DHX15: variants seen among roughly 807,000 people sequenced by gnomAD.
DHX15 encodes DEAH-box helicase 15, also known as ATP-dependent RNA helicase DHX15.
DHX15 carries 11 observed loss-of-function variants against 94.4 expected under a neutral mutation model. That is an observed-to-expected ratio of 0.12 (90% CI 0.07 to 0.19). The LOEUF (loss-of-function observed/expected upper bound fraction) is 0.19. Ranked by LOEUF, DHX15 falls within the 10% of genes least tolerant of loss-of-function variation. The pLI, the probability that DHX15 is intolerant of heterozygous loss-of-function variation, is 1.00. For missense variants in DHX15, 304 were observed against 988.5 expected, an observed-to-expected ratio of 0.31 and a Z score of 9.29; for synonymous variants, 338 against 329.9, an observed-to-expected ratio of 1.02 and a Z score of -0.27.
At chr4:24,545,437 G>C (rs1721402589) in intron 6 of DHX15, among the ~76,000 whole-genome samples, 1 of 151,866 alleles carries the variant, frequency 6.6e-6, no homozygotes, top group Admixed American at 6.6e-5. Flanking sequence ...ACATGATTCT[G>C]CAAGTGTTTA....
intron 2 of DHX15, among the ~76,000 whole-genome samples, chr4:24,572,913 T>C (rs7671766): frequency 0.035 from 5,390 of 152,126 alleles, 280 homozygotes; most frequent in African/African-American, 0.11. Flanking sequence ...ATCCGGCTTT[T>C]TTGTTTTTTT....
At chr4:24,565,898 G>A (rs1721981567) in intron 3 of DHX15, among the ~76,000 whole-genome samples, 1 of 152,040 alleles carries the variant, frequency 6.6e-6, no homozygotes, top group African/African-American at 2.4e-5. Context: ...TCCATCTTTT[G>A]AAAAAGAAAC....
rs766061995 is a variant in DHX15, at chr4:24,529,594, T to C, written c.2270+7A>G. The C allele has an allele frequency of 1.6e-5, 26 of 1,613,568 alleles. No homozygotes were observed. The highest frequency in any genetic ancestry group is 2.2e-5 in the Non-Finnish European group (26 of 1,179,780). On this transcript the variant is annotated splice_region_variant and intron_variant, in intron 13 of 13. Coordinates refer to ENST00000336812, the MANE Select transcript of DHX15 (RefSeq NM_001358.3). ...CAAAAAACTGTTAGAACAAAAGGTGTACTTACCATTCTGGCTTGATATCTG... is the reference window on the plus strand; with the variant it reads ...CAAAAAACTGTTAGAACAAAAGGTGCACTTACCATTCTGGCTTGATATCTG...
chr4:24,582,765 C>T (rs1722445283), intron 1 of DHX15, among the ~76,000 whole-genome samples: 1 of 152,082 alleles, frequency 6.6e-6, no homozygotes, highest in Non-Finnish European at 1.5e-5. Context: ...ATTGGAGCCG[C>T]GTATAGTCTT....
chr4:24,547,861 GTCTCTCTCTCTCTC>G (rs36229958), intron 6 of DHX15, among the ~76,000 whole-genome samples: 2,532 of 126,432 alleles, frequency 0.02, 62 homozygotes, highest in African/African-American at 0.021. Context: ...AGACATATAT[GTCTCTCTCTCTCTC>G]TCTCTCTCTC....
At chr4:24,528,580 C>T (rs1721009846) in intron 13 of DHX15, among the ~76,000 whole-genome samples, 1 of 152,090 alleles carries the variant, frequency 6.6e-6, no homozygotes, top group Non-Finnish European at 1.5e-5. Context: ...TCAAAAGTCC[C>T]AAATCCGTAT....
At chr4:24,546,764 G>T (rs1721434827) in intron 6 of DHX15, among the ~76,000 whole-genome samples, 1 of 151,924 alleles carries the variant, frequency 6.6e-6, no homozygotes, top group Admixed American at 6.6e-5. Flanking sequence ...CTTATAAAAG[G>T]GACTCAAATA....
At chr4:24,551,720 A>T (rs1490918989) in intron 5 of DHX15, among the ~76,000 whole-genome samples, 3 of 152,212 alleles carry the variant, frequency 2.0e-5, no homozygotes, top group Non-Finnish European at 4.4e-5. Context: ...CAACTTAAAA[A>T]ACATTTGAAC....
intron 6 of DHX15, among the ~76,000 whole-genome samples, chr4:24,545,771 G>C (rs1721409253): frequency 1.3e-5 from 2 of 152,174 alleles, no homozygotes; most frequent in Admixed American, 6.5e-5. Context: ...AAATGACCTT[G>C]AATTTGTCAA....
At chr4:24,571,187 CTT>C (rs1196769092) in intron 2 of DHX15, among the ~76,000 whole-genome samples, 4 of 152,160 alleles carry the variant, frequency 2.6e-5, no homozygotes, top group South Asian at 4.1e-4. Context: ...GAAAGTGTAA[CTT>C]TTAAATTCTT....
intron 7 of DHX15, 121 bp from the exon 8 acceptor site, chr4:24,542,143 A>C: frequency 1.2e-6 from 1 of 814,430 alleles, no homozygotes; most frequent in Non-Finnish European, 1.8e-6. Context: ...GATAGCCATA[A>C]ATCATGCTGC....
chr4:24,563,610 T>C (rs1409063999), intron 3 of DHX15: 1 of 152,242 alleles, frequency 6.6e-6, no homozygotes, highest in African/African-American at 2.4e-5. Flanking sequence ...GTTCTCATTT[T>C]AATGATTTAA....
intron 6 of DHX15, among the ~76,000 whole-genome samples, chr4:24,546,753 C>A (rs1289018488): frequency 6.6e-6 from 1 of 151,944 alleles, no homozygotes; most frequent in Non-Finnish European, 1.5e-5. Context: ...AATGGCACTG[C>A]CTTATAAAAG....
In DHX15 at chr4:24,551,139, A is replaced by T. The variant is rs1721594171; in HGVS notation, c.1081-2117T>A. Among the ~76,000 whole-genome samples, 2 of 152,240 alleles carry T rather than the reference A, an allele frequency of 1.3e-5. 1 individual carries two copies. The highest frequency in any genetic ancestry group is 4.1e-4 in the South Asian group (2 of 4,832). On this transcript the variant is annotated intron_variant, in intron 5 of 13. Coordinates refer to ENST00000336812, the MANE Select transcript of DHX15 (RefSeq NM_001358.3). ...ACAGATTATGTATGATAGCTCTGGG[A>T]GAGGCAAAGGAACTTAAAAATGGAA...
rs1318876634 is a variant in DHX15 at position 24,536,918 on chromosome 4, G to T, written c.1909+133C>A. 6.8e-6 allele frequency: 7 copies of T among 1,031,834 alleles called. No individual in the cohort carries two copies. In the East Asian group the frequency reaches 2.0e-4, roughly 30 times the overall value. The allele number at this position is 1,031,834 out of a possible 1,614,324, so 63.9% of individuals were successfully genotyped here. The stretch of plus-strand genomic sequence containing the variant: ...AATTTCTATTTTAAATGCTCGTCAG[G>T]AGTTTTTCAAAAGTACCTCTGGGTT... On this transcript the variant is annotated intron_variant, in intron 11 of 13. Coordinates refer to ENST00000336812, the MANE Select transcript of DHX15 (RefSeq NM_001358.3).
chr4:24,541,787 T>G, intron 8 of DHX15, 86 bp downstream of exon 8: 1 of 1,341,026 alleles, frequency 7.5e-7, no homozygotes. Flanking sequence ...AAAGGCAAGA[T>G]TAAGTAAATA....
At chr4:24,557,500 T>C (rs1372897845) in intron 3 of DHX15, among the ~76,000 whole-genome samples, 2 of 152,138 alleles carry the variant, frequency 1.3e-5, no homozygotes, top group African/African-American at 2.4e-5. Context: ...GTTCAGCAAA[T>C]TGATAGTGTA....
At chr4:24,569,242 T>C (rs903040912) in intron 3 of DHX15, among the ~76,000 whole-genome samples, 1 of 152,164 alleles carries the variant, frequency 6.6e-6, no homozygotes, top group Non-Finnish European at 1.5e-5. Flanking sequence ...GGATATGAAA[T>C]AAATAAGACT....
At chr4:24,553,346 TAAATAA>T (rs759897099) in intron 5 of DHX15, among the ~76,000 whole-genome samples, 4 of 151,328 alleles carry the variant, frequency 2.6e-5, no homozygotes, top group Non-Finnish European at 5.9e-5. Flanking sequence ...TAAAACAAAA[TAAATAA>T]AAATAAAAAT....
Sources: allele counts gnomAD v4.1 joint callset (sites outside exome capture counted in the v4.1 genomes callset), GRCh38; gene constraint gnomAD v4.1.1; transcripts MANE v1.5; gene names NCBI Gene and HGNC (gene_info 2026-07-23, HGNC 2026-07-21).